Variants in ENTREP1 observed in about 807,000 individuals in gnomAD.
ENTREP1 encodes the protein Friedreich ataxia region gene X123.
At chr9:69,343,146 A>G in the ENTREP1 span, among the ~76,000 whole-genome samples, 6 of 152,260 alleles carry the variant, frequency 3.9e-5, no homozygotes, top group Admixed American at 6.5e-5. Flanking sequence ...AAATTCTGCT[A>G]TCCACTTATT....
the ENTREP1 span, among the ~76,000 whole-genome samples, chr9:69,341,483 A>C: frequency 2.8e-5 from 1 of 35,686 alleles, no homozygotes; most frequent in African/African-American, 2.5e-4. Flanking sequence ...AGATATGCTT[A>C]ATTTTTTTTT....
At chr9:69,364,579 A>C in the ENTREP1 span, among the ~76,000 whole-genome samples, 1 of 152,142 alleles carries the variant, frequency 6.6e-6, no homozygotes, top group African/African-American at 2.4e-5. Flanking sequence ...AAGTGATCCC[A>C]TTATAACCAG....
chr9:69,355,925 G>A, the ENTREP1 span, among the ~76,000 whole-genome samples: 1 of 152,262 alleles, frequency 6.6e-6, no homozygotes, highest in African/African-American at 2.4e-5. Flanking sequence ...TTTTTGTGGT[G>A]TGCAATTTTT....
chr9:69,375,820 CTCTT>C, the ENTREP1 span: 2 of 1,614,074 alleles, frequency 1.2e-6, no homozygotes, highest in Non-Finnish European at 1.7e-6. Context: ...TGCCTTGAAA[CTCTT>C]TCCGGTTCAG....
At chr9:69,362,194 T>C in the ENTREP1 span, among the ~76,000 whole-genome samples, 2 of 152,170 alleles carry the variant, frequency 1.3e-5, no homozygotes, top group African/African-American at 4.8e-5. Context: ...TAAAAGTCCT[T>C]AGGCAGTAGG....
the ENTREP1 span, among the ~76,000 whole-genome samples, chr9:69,350,258 T>C: frequency 6.6e-5 from 10 of 152,190 alleles, no homozygotes; most frequent in Admixed American, 2.0e-4. Flanking sequence ...TTGCATATGG[T>C]GTGAGGCAGG....
the ENTREP1 span, chr9:69,383,663 C>A: frequency 6.2e-7 from 1 of 1,614,132 alleles, no homozygotes; most frequent in Non-Finnish European, 8.5e-7. Flanking sequence ...CCCTGCCACA[C>A]ATCTACGGAG....
the ENTREP1 span, among the ~76,000 whole-genome samples, chr9:69,330,785 C>G: frequency 6.6e-6 from 1 of 152,156 alleles, no homozygotes; most frequent in Admixed American, 6.5e-5. Flanking sequence ...GCCTCAGTTA[C>G]TCATCTGTCA....
the ENTREP1 span, among the ~76,000 whole-genome samples, chr9:69,390,611 T>C: frequency 6.6e-6 from 1 of 152,224 alleles, no homozygotes; most frequent in Non-Finnish European, 1.5e-5. Context: ...GATTATCAGA[T>C]CCATTTGAAG....
the ENTREP1 span, among the ~76,000 whole-genome samples, chr9:69,330,263 T>G: frequency 6.6e-6 from 1 of 152,150 alleles, no homozygotes; most frequent in African/African-American, 2.4e-5. Context: ...AGAGTTGCAT[T>G]GGGTTGTCTC....
At chr9:69,356,743 G>C in the ENTREP1 span, among the ~76,000 whole-genome samples, 1 of 152,144 alleles carries the variant, frequency 6.6e-6, no homozygotes, top group Non-Finnish European at 1.5e-5. Flanking sequence ...AGCAGATCTG[G>C]TTCCTGACCA....
the ENTREP1 span, among the ~76,000 whole-genome samples, chr9:69,348,126 T>G: frequency 6.6e-6 from 1 of 152,158 alleles, no homozygotes; most frequent in Non-Finnish European, 1.5e-5. Flanking sequence ...CTTTCTGTCT[T>G]TCTTTTTTAA....
At chr9:69,357,181 G>T in the ENTREP1 span, among the ~76,000 whole-genome samples, 1 of 152,090 alleles carries the variant, frequency 6.6e-6, no homozygotes, top group East Asian at 1.9e-4. Context: ...GAGGGACCCG[G>T]GATAGGGCAG....
At chr9:69,346,417 A>G in the ENTREP1 span, among the ~76,000 whole-genome samples, 3 of 151,860 alleles carry the variant, frequency 2.0e-5, no homozygotes, top group Non-Finnish European at 4.4e-5. Context: ...TATTTTTGTT[A>G]CTTCTATTGA....
the ENTREP1 span, chr9:69,377,320 TG>T: frequency 9.9e-7 from 1 of 1,006,082 alleles, no homozygotes; most frequent in Non-Finnish European, 1.6e-6. Context: ...CATTGTATTC[TG>T]GTGATGTTTG....
the ENTREP1 span, chr9:69,383,565 G>T: frequency 1.2e-6 from 2 of 1,600,226 alleles, no homozygotes; most frequent in African/African-American, 1.3e-5. Context: ...CAGTATCCGG[G>T]CATCACTGCA....
chr9:69,383,720 G>A, the ENTREP1 span: 33 of 1,614,032 alleles, frequency 2.0e-5, no homozygotes, highest in African/African-American at 2.7e-5. Flanking sequence ...ATCCCCCGCC[G>A]CCATATGAAG....
chr9:69,340,620 TGTGCATGTGTGTGTGC>T, the ENTREP1 span, among the ~76,000 whole-genome samples: 17 of 73,790 alleles, frequency 2.3e-4, no homozygotes, highest in South Asian at 5.9e-4. Context: ...TGCATGTGTG[TGTGCATGTGTGTGTGC>T]GTGCATGTGT....
the ENTREP1 span, among the ~76,000 whole-genome samples, chr9:69,340,627 G>GCATA: frequency 3.3e-5 from 4 of 121,478 alleles, no homozygotes; most frequent in Non-Finnish European, 6.7e-5. Flanking sequence ...GTGTGTGCAT[G>GCATA]TGTGTGTGCG....
Sources: allele counts gnomAD v4.1 joint callset (sites outside exome capture counted in the v4.1 genomes callset), GRCh38; gene constraint gnomAD v4.1.1; transcripts MANE v1.5; gene names NCBI Gene and HGNC (gene_info 2026-07-23, HGNC 2026-07-21).